HDAC9: variants seen among roughly 807,000 people sequenced by gnomAD.
The protein encoded by HDAC9 is histone deacetylase 9.
In HDAC9, 41 loss-of-function variants were observed where a neutral mutation model predicts 139.4. That is an observed-to-expected ratio of 0.29 (90% CI 0.23 to 0.38). HDAC9 has a LOEUF of 0.38. Ranked by LOEUF, HDAC9 falls within the 10% of genes least tolerant of loss-of-function variation. The pLI, the probability that HDAC9 is intolerant of heterozygous loss-of-function variation, is 1.00. For missense variants in HDAC9, 1,147 were observed against 1,297.0 expected (o/e 0.88, Z 1.78); for synonymous variants, 517 against 476.2 (o/e 1.09, Z -1.12).
intron 1 of HDAC9, among the ~76,000 whole-genome samples, chr7:18,303,673 A>G (rs1798720295): frequency 6.6e-6 from 1 of 152,206 alleles, no homozygotes; most frequent in Non-Finnish European, 1.5e-5. Flanking sequence ...GTGGCTGGCC[A>G]GCTAGGCACT....
rs181112817 is a variant in HDAC9 at position 18,316,191 on chromosome 7, A to T, written c.-42+25676A>T. On this transcript the variant is annotated intron_variant, in intron 1 of 3. Transcript: ENST00000413509. ...GTGAGGCCTGAGATTTTGCATTTCT[A>T]ACAAGCTCTGAAATGATACTGTGCT... is the stretch of plus-strand genomic sequence containing the variant. Among the ~76,000 whole-genome samples, 5 of 152,232 alleles carry T rather than the reference A, an allele frequency of 3.3e-5. No individual in the cohort carries two copies. The East Asian group carries it at 9.7e-4, about 30-fold the overall frequency.
chr7:18,835,965 C>T lies in HDAC9; in HGVS notation c.2652C>T (p.Pro884=), dbSNP rs768786035. The T allele has an allele frequency of 2.6e-6, 4 of 1,565,978 alleles. No homozygotes were observed. Among genetic ancestry groups the T allele is most frequent in the Middle Eastern group, 1.7e-4 (1 of 6,006 alleles). The part of the protein sequence containing the change: ...NIAWTGGLDP[P]MGDVEYLEAF... The stretch of plus-strand genomic sequence containing the variant: ...CCTGGACAGGTGGCCTTGATCCTCC[C>T]ATGGGAGATGTTGAGTACCTTGAAG... The change falls in exon 21 of 26, where the codon CCC becomes CCT. Residue 884 remains proline (P), a synonymous_variant. Coordinates refer to ENST00000686413, the MANE Select transcript of HDAC9 (RefSeq NM_178425.4).
At chr7:18,491,787 G>T (rs1389548931), upstream of HDAC9, among the ~76,000 whole-genome samples, 1 of 151,922 alleles carries the variant, frequency 6.6e-6, no homozygotes, top group South Asian at 2.1e-4. Flanking sequence ...TTCACCTCCT[G>T]TGTCTGTTCT....
intron 1 of HDAC9, among the ~76,000 whole-genome samples, chr7:18,355,372 T>C (rs932207517): frequency 2.0e-5 from 3 of 152,178 alleles, no homozygotes; most frequent in Non-Finnish European, 4.4e-5. Flanking sequence ...ATAGGCTCTT[T>C]ATACTACCAG....
chr7:18,893,968 G>T (rs901940385), intron 22 of HDAC9, among the ~76,000 whole-genome samples: 1 of 152,172 alleles, frequency 6.6e-6, no homozygotes, highest in Non-Finnish European at 1.5e-5. Flanking sequence ...AAGAAGGCAA[G>T]TATGAGATGT....
intron 16 of HDAC9, among the ~76,000 whole-genome samples, chr7:18,780,033 C>T (rs1791109737): frequency 6.6e-6 from 1 of 151,970 alleles, no homozygotes; most frequent in Non-Finnish European, 1.5e-5. Context: ...AGCGCTTTTT[C>T]AACTCTAAAG....
intron 12 of HDAC9, among the ~76,000 whole-genome samples, chr7:18,669,619 G>A (rs1795540905): frequency 6.6e-6 from 1 of 151,784 alleles, no homozygotes; most frequent in Admixed American, 6.6e-5. Flanking sequence ...CCTGAAATTT[G>A]CCTTTGAACT....
chr7:18,376,696 A>ACT (rs1478073579), intron 1 of HDAC9, among the ~76,000 whole-genome samples: 4 of 152,122 alleles, frequency 2.6e-5, no homozygotes, highest in Non-Finnish European at 5.9e-5. Flanking sequence ...AGGTCCAGTT[A>ACT]ATAATAACCT....
chr7:18,420,553 A>T (rs957193810), intron 1 of HDAC9, among the ~76,000 whole-genome samples: 3 of 152,204 alleles, frequency 2.0e-5, no homozygotes, highest in African/African-American at 7.2e-5. Context: ...CATAAAATTC[A>T]TGCTGCAGGG....
intron 2 of HDAC9, among the ~76,000 whole-genome samples, chr7:18,536,140 G>GC (rs1207189423): frequency 6.6e-6 from 1 of 152,190 alleles, no homozygotes; most frequent in Non-Finnish European, 1.5e-5. Flanking sequence ...GAAGCAGCCT[G>GC]CAATGAATGA....
At chr7:18,617,394 G>GA (rs1291478780) in intron 6 of HDAC9, among the ~76,000 whole-genome samples, 1 of 152,082 alleles carries the variant, frequency 6.6e-6, no homozygotes, top group Non-Finnish European at 1.5e-5. Flanking sequence ...TAGCAGTAAT[G>GA]AAAAAATTGA....
At chr7:18,949,343 C>T in intron 23 of HDAC9, 1 of 256,854 alleles carries the variant, frequency 3.9e-6, no homozygotes, top group Non-Finnish European at 7.6e-6. Context: ...GCTCGCTTTC[C>T]AGATATACTT....
chr7:18,509,461 G>GT (rs1374678036), intron 2 of HDAC9: 6 of 985,100 alleles, frequency 6.1e-6, no homozygotes, highest in Non-Finnish European at 7.2e-6. Context: ...GTGGTGACTT[G>GT]TTTTTTCCCC....
intron 1 of HDAC9, among the ~76,000 whole-genome samples, chr7:18,316,432 T>C (rs759981517): frequency 6.6e-6 from 1 of 152,088 alleles, no homozygotes; most frequent in Non-Finnish European, 1.5e-5. Flanking sequence ...TAATGCATTC[T>C]ATAATGGTTT....
intron 1 of HDAC9, among the ~76,000 whole-genome samples, chr7:18,134,409 A>G (rs572690336): frequency 2.0e-5 from 3 of 152,300 alleles, no homozygotes; most frequent in South Asian, 2.1e-4. Flanking sequence ...ATCAAGACCA[A>G]TGGAGCTAGT....
intron 1 of HDAC9, among the ~76,000 whole-genome samples, chr7:18,374,028 A>G (rs1562929501): frequency 6.6e-6 from 1 of 152,066 alleles, no homozygotes; most frequent in Non-Finnish European, 1.5e-5. Flanking sequence ...TGAAATCACA[A>G]AATGGAGTTA....
chr7:18,712,755 A>G (rs769622917), intron 12 of HDAC9, among the ~76,000 whole-genome samples: 8 of 152,250 alleles, frequency 5.3e-5, no homozygotes, highest in Admixed American at 5.2e-4. Context: ...GCCTACAAGT[A>G]TAATTTTGAA....
chr7:18,251,518 T>C (rs747152134), intron 2 of HDAC9, among the ~76,000 whole-genome samples: 4 of 152,032 alleles, frequency 2.6e-5, no homozygotes, highest in Non-Finnish European at 5.9e-5. Flanking sequence ...GAACTTAATA[T>C]AAATATTGAA....
intron 6 of HDAC9, among the ~76,000 whole-genome samples, chr7:18,606,969 C>T (rs780944532): frequency 1.1e-4 from 16 of 151,758 alleles, no homozygotes; most frequent in Non-Finnish European, 2.2e-4. Context: ...ATTAAATGGT[C>T]CAGAATACTA....
Sources: allele counts gnomAD v4.1 joint callset (sites outside exome capture counted in the v4.1 genomes callset), GRCh38; gene constraint gnomAD v4.1.1; transcripts MANE v1.5; gene names NCBI Gene and HGNC (gene_info 2026-07-23, HGNC 2026-07-21).